Variants in TAF7L observed in about 807,000 individuals in gnomAD.
TAF7L encodes the protein TATA-box binding protein associated factor 7 like, also known as transcription initiation factor TFIID subunit 7-like.
TAF7L carries 6 observed loss-of-function variants against 30.2 expected under a neutral mutation model. The ratio of observed to expected loss-of-function variants is 0.20; its 90% CI spans 0.11 to 0.39. The LOEUF is 0.39. Ranked by LOEUF, TAF7L falls within the 10% of genes least tolerant of loss-of-function variation. The pLI is 1.00. For synonymous variants in TAF7L, 93 were observed against 94.5 expected, an observed-to-expected ratio of 0.98 and a Z score of 0.09; for missense variants, 284 against 277.1, an observed-to-expected ratio of 1.03 and a Z score of -0.18.
chrX:101,272,795 C>T (rs949846205), intron 12 of TAF7L, among the ~76,000 whole-genome samples: 4 of 111,091 alleles, frequency 3.6e-5, no homozygotes, highest in South Asian at 3.8e-4. Flanking sequence ...GTGGGGAGGA[C>T]GGGGTTTGAG....
chrX:101,269,329 A>C, intron 12 of TAF7L, 92 bp from the exon 13 acceptor site: 1 of 801,541 alleles, frequency 1.2e-6, no homozygotes, highest in Non-Finnish European at 1.9e-6. Flanking sequence ...ACCAAAAAGA[A>C]CTACTGTTAT....
intron 12 of TAF7L, among the ~76,000 whole-genome samples, chrX:101,273,201 T>G (rs957348039): frequency 1.8e-5 from 2 of 112,360 alleles, no homozygotes; most frequent in African/African-American, 6.5e-5. Flanking sequence ...TCCTCTGTTA[T>G]TAGAGTACCA....
intron 3 of TAF7L, among the ~76,000 whole-genome samples, chrX:101,285,092 C>T (rs751023842): frequency 9.0e-6 from 1 of 111,089 alleles, no homozygotes; most frequent in South Asian, 3.8e-4. Flanking sequence ...ATGCCTTCAA[C>T]ATGTTGATAT....
At position 101,269,230 on chromosome X, in the gene TAF7L, G is replaced by A; in HGVS notation, c.1094C>T (p.Ser365Phe). Residue 365 changes from serine to phenylalanine, a missense_variant, in exon 13 of 13, where the codon TCC (serine) becomes TTC (phenylalanine). Physicochemically the swap from Ser to Phe is radical, Grantham distance 155 (BLOSUM62 -2). Coordinates refer to ENST00000356784, the MANE Select transcript of TAF7L (RefSeq NM_001168474.2). ...AAAACGCTGCAACTGTTCCTGTAGG[G>A]AAATGAGCTGTAGGGAGAGGTAGAA... ...QEKQKNEKLI[S>F]LQEQLQRFLK... is the part of the protein sequence containing the mutation. 1 of 1,206,844 alleles carries A rather than the reference G, an allele frequency of 8.3e-7. No homozygotes were observed. Among genetic ancestry groups the A allele is most frequent in the Non-Finnish European group, 1.1e-6 (1 of 892,236 alleles).
At chrX:101,291,484 G>GGCGCGGAGCGCCGAGGGGA (rs1216700812), upstream of TAF7L, 4 of 148,042 alleles carry the variant, frequency 2.7e-5, no homozygotes, top group African/African-American at 1.3e-4. Context: ...AGGCTCGAAA[G>GGCGCGGAGCGCCGAGGGGA]GCGCGGAGCG....
chrX:101,269,405 C>T (rs1425424415), intron 12 of TAF7L, among the ~76,000 whole-genome samples, 168 bp from the exon 13 acceptor site: 1 of 112,649 alleles, frequency 8.9e-6, no homozygotes, highest in Non-Finnish European at 1.9e-5. Flanking sequence ...GTCAAGAATG[C>T]ATGCATACTG....
At chrX:101,282,249 C>T (rs1924439040) in intron 5 of TAF7L, 78 bp downstream of exon 5, 12 of 1,137,078 alleles carry the variant, frequency 1.1e-5, no homozygotes, top group Middle Eastern at 2.4e-4. Flanking sequence ...TGTGGTAAGA[C>T]GTCCCTGTTT....
rs905778062 is a variant in TAF7L at position 101,278,856 on chromosome X, G to A, written c.504+138C>T. Reference sequence around the variant, plus strand: ...TTTTAGTGAATCAAACCCAGTGTATGTGTTTAGGATGAGGGTTAGAGGTGA... The same window carrying A: ...TTTTAGTGAATCAAACCCAGTGTATATGTTTAGGATGAGGGTTAGAGGTGA... On this transcript the variant is annotated intron_variant, in intron 7 of 12. Transcript: ENST00000356784. 1.0e-5 allele frequency: 5 copies of A among 477,725 alleles called. No individual in the cohort carries two copies. In the African/African-American group the frequency reaches 1.2e-4, roughly 11 times the overall value. The allele number at this position is 477,725 out of a possible 1,213,427, so 39.4% of individuals were successfully genotyped here.
chrX:101,268,892 G>A lies in TAF7L; in HGVS notation c.*301C>T. On this transcript the variant is annotated 3_prime_UTR_variant, in exon 13 of 13. Transcript: ENST00000356784. ...AGGCGGAAGGATCCCTTAAGCCCAG[G>A]AGTCTGAATTCAGCCTGGGCAACAT... The A allele has an allele frequency of 9.7e-6, 2 of 207,057 alleles. No homozygotes were observed. The highest frequency in any genetic ancestry group is 1.8e-5 in the Non-Finnish European group (2 of 113,443). The allele number at this position is 207,057 out of a possible 1,213,427, so 17.1% of individuals were successfully genotyped here. A position where few individuals can be genotyped will look rare whatever the true frequency, so the allele number is the denominator to read the frequency against.
At chrX:101,277,177 G>T (rs1392272743) in intron 9 of TAF7L, among the ~76,000 whole-genome samples, 1 of 70,403 alleles carries the variant, frequency 1.4e-5, no homozygotes, top group African/African-American at 6.5e-5. Context: ...AAAAAAAAAA[G>T]GCCAGGCACA....
chrX:101,276,139 T>A (rs1924166374), intron 10 of TAF7L, 27 bp from the exon 11 acceptor site: 1 of 1,153,312 alleles, frequency 8.7e-7, no homozygotes, highest in East Asian at 3.0e-5. Flanking sequence ...GAACTTTATA[T>A]ATTAAATATA....
chrX:101,286,180 C>CA (rs1188025833), intron 3 of TAF7L, among the ~76,000 whole-genome samples: 2,589 of 46,157 alleles, frequency 0.056, 61 homozygotes, highest in East Asian at 0.14. Flanking sequence ...GACTCCATCT[C>CA]AAAAAAAAAA....
chrX:101,277,483 A>AAAAAG (rs1345910589), intron 9 of TAF7L, 123 bp downstream of exon 9: 4 of 371,135 alleles, frequency 1.1e-5, no homozygotes, highest in African/African-American at 2.9e-5. Context: ...GGGAAGGACG[A>AAAAAG]AACCATCCTT....
Position 101,286,598 on chromosome X carries a change from T to C in TAF7L, c.122A>G (p.Asp41Gly). The change falls in exon 3 of 13, where the codon GAT (aspartate) becomes GGT (glycine). Residue 41 changes from aspartate (D) to glycine (G), a missense_variant. Asp to Gly is a moderately conservative substitution (Grantham distance 94). Transcript: ENST00000356784. The stretch of plus-strand genomic sequence containing the variant: ...ACGCAATAAGTCAATTTTTAGTTTA[T>C]CCTTCATCTTGACACTTTGAGAACG... ...LARSQSVKMK[D>G]KLKIDLLPDG... 1 of 1,208,124 alleles carries C rather than the reference T, an allele frequency of 8.3e-7. No individual in the cohort carries two copies. The highest frequency in any genetic ancestry group is 1.1e-6 in the Non-Finnish European group (1 of 892,798).
intron 3 of TAF7L, among the ~76,000 whole-genome samples, chrX:101,284,534 T>C: frequency 9.0e-6 from 1 of 111,528 alleles, no homozygotes; most frequent in East Asian, 2.8e-4. Context: ...CCGGCTAATT[T>C]TTGCATTTTT....
chrX:101,287,442 T>G lies in TAF7L; in HGVS notation c.66+36A>C, dbSNP rs758807977. On this transcript the variant is annotated intron_variant, in intron 2 of 12. Coordinates refer to ENST00000356784, the MANE Select transcript of TAF7L (RefSeq NM_001168474.2). ...AACTATAATTATAATTAAACTATAA[T>G]TATGAAGATATTTGTTCTGAGATAC... 5 of 1,012,258 alleles carry G rather than the reference T, an allele frequency of 4.9e-6. No homozygotes were observed. The East Asian group carries it at 1.2e-4, about 25-fold the overall frequency. 83.4% of individuals were successfully genotyped at this position (1,012,258 alleles called of 1,213,427 possible).
In TAF7L at chrX:101,278,147, G is replaced by C. The variant is rs751218927; in HGVS notation, c.505-26C>G. The C allele has an allele frequency of 7.9e-6, 9 of 1,144,211 alleles. No homozygotes were observed. In the East Asian group the frequency reaches 1.2e-4, roughly 15 times the overall value. 94.3% of individuals were successfully genotyped at this position (1,144,211 alleles called of 1,213,427 possible). ...CTGAAGCAAAGTTGGGGATTAGAGGGGGATACCAATACTGTCATTTAACAC... is the reference window on the plus strand; with the variant it reads ...CTGAAGCAAAGTTGGGGATTAGAGGCGGATACCAATACTGTCATTTAACAC... On this transcript the variant is annotated intron_variant, in intron 7 of 12. Coordinates refer to ENST00000356784, the MANE Select transcript of TAF7L (RefSeq NM_001168474.2).
In TAF7L at chrX:101,291,309, C is replaced by G; in HGVS notation, c.-88G>C. On this transcript the variant is annotated 5_prime_UTR_variant, in exon 1 of 13. Coordinates refer to ENST00000356784, the MANE Select transcript of TAF7L (RefSeq NM_001168474.2). ...GGGTTCCGGACGAACCGCGCGTGGGCTCCCGCGCGGAACGTAGAGGCGAAC... is the reference window on the plus strand; with the variant it reads ...GGGTTCCGGACGAACCGCGCGTGGGGTCCCGCGCGGAACGTAGAGGCGAAC... 1 of 754,284 alleles carries G rather than the reference C, an allele frequency of 1.3e-6. No individual in the cohort carries two copies. The highest frequency in any genetic ancestry group is 1.6e-6 in the Non-Finnish European group (1 of 639,060). 62.2% of individuals were successfully genotyped at this position (754,284 alleles called of 1,213,427 possible). A position where few individuals can be genotyped will look rare whatever the true frequency, so the allele number is the denominator to read the frequency against.
chrX:101,268,960 T>G lies in TAF7L; in HGVS notation c.*233A>C. 1 of 298,988 alleles carries G rather than the reference T, an allele frequency of 3.3e-6. No homozygotes were observed. Among genetic ancestry groups the G allele is most frequent in the Non-Finnish European group, 5.9e-6 (1 of 168,347 alleles). 24.6% of individuals were successfully genotyped at this position (298,988 alleles called of 1,213,427 possible). ...AAATTAATAATAATAATTCCCAAAT[T>G]GACAAAGAGAAAGTCTCATGGTCGA... On this transcript the variant is annotated 3_prime_UTR_variant, in exon 13 of 13. Transcript: ENST00000356784.
Sources: allele counts gnomAD v4.1 joint callset (sites outside exome capture counted in the v4.1 genomes callset), GRCh38; gene constraint gnomAD v4.1.1; transcripts MANE v1.5; gene names NCBI Gene and HGNC (gene_info 2026-07-23, HGNC 2026-07-21).